The following APAF1 variants were observed in gnomAD, a reference collection of about 807,000 sequenced individuals.
APAF1 encodes the protein apoptotic peptidase activating factor 1.
In APAF1, 91 loss-of-function variants were observed where a neutral mutation model predicts 152.4. That is an observed-to-expected ratio of 0.60 (90% confidence interval 0.50 to 0.71). The LOEUF (loss-of-function observed/expected upper bound fraction) is 0.71. Ranked by LOEUF, APAF1 falls within the 30% of genes least tolerant of loss-of-function variation. APAF1 has a pLI of 0.00. For synonymous variants in APAF1, 484 were observed against 494.1 expected, an observed-to-expected ratio of 0.98 and a Z score of 0.27; for missense variants, 1,283 against 1,472.0, an observed-to-expected ratio of 0.87 and a Z score of 2.10.
chr12:98,662,397 T>A, intron 5 of APAF1, 59 bp from the exon 6 acceptor site: 1 of 1,327,508 alleles, frequency 7.5e-7, no homozygotes. Flanking sequence ...GGGATTATCT[T>A]TTTAAAAGGA....
chr12:98,650,415 G>C (rs1351616006), intron 4 of APAF1, among the ~76,000 whole-genome samples: 4 of 152,066 alleles, frequency 2.6e-5, no homozygotes, highest in Non-Finnish European at 5.9e-5. Flanking sequence ...GAACCTAGGA[G>C]GCGGAGGTTG....
chr12:98,693,065 T>TAA (rs112776504), intron 16 of APAF1, among the ~76,000 whole-genome samples: 1 of 144,366 alleles, frequency 6.9e-6, no homozygotes, highest in Non-Finnish European at 1.5e-5. Context: ...ATTTTTTGAC[T>TAA]AAAAAAAAAA....
intron 4 of APAF1, among the ~76,000 whole-genome samples, chr12:98,652,663 G>A (rs2097650409): frequency 6.6e-6 from 1 of 151,146 alleles, no homozygotes; most frequent in Admixed American, 6.6e-5. Context: ...TTTCGCTCTT[G>A]TTGCCCAGGC....
At chr12:98,665,921 G>T in intron 8 of APAF1, 130 bp downstream of exon 8, 2 of 845,058 alleles carry the variant, frequency 2.4e-6, no homozygotes, top group South Asian at 2.9e-5. Context: ...GGTGTTGGGT[G>T]TAGAAATCCC....
At chr12:98,657,254 A>C (rs756886354) in intron 4 of APAF1, among the ~76,000 whole-genome samples, 2 of 152,170 alleles carry the variant, frequency 1.3e-5, no homozygotes, top group South Asian at 2.1e-4. Context: ...TATCCTCTCT[A>C]TTCATACTAT....
rs199783677 is a variant in APAF1, at chr12:98,662,550, G to A, written c.805G>A (p.Val269Ile). ...QILLTTRDKSVTDSVMGPKYV... is the reference protein window; with the variant it reads ...QILLTTRDKSITDSVMGPKYV... Reference sequence around the variant, plus strand: ...TCTTCTTACAACCAGAGACAAGAGTGTTACAGATTCAGTAATGGGTAAGGA... The same window carrying A: ...TCTTCTTACAACCAGAGACAAGAGTATTACAGATTCAGTAATGGGTAAGGA... Residue 269 changes from valine to isoleucine, a missense_variant, in exon 6 of 27, where the codon GTT becomes ATT. Transcript: ENST00000551964. 6.2e-6 allele frequency: 10 copies of A among 1,613,084 alleles called. No homozygotes were observed. In the East Asian group the frequency reaches 1.1e-4, roughly 18 times the overall value.
intron 4 of APAF1, among the ~76,000 whole-genome samples, chr12:98,653,580 A>G (rs988218528): frequency 6.9e-6 from 1 of 144,222 alleles, no homozygotes; most frequent in African/African-American, 2.6e-5. Context: ...TCGCTTGAAC[A>G]TGGGAGGCAG....
chr12:98,731,455 A>T (rs2097761408), intron 26 of APAF1, among the ~76,000 whole-genome samples: 1 of 152,222 alleles, frequency 6.6e-6, no homozygotes, highest in Admixed American at 6.5e-5. Context: ...GCTTGATTAC[A>T]CTGTTATTTT....
chr12:98,662,567 G>C lies in APAF1; in HGVS notation c.822G>C (p.Met274Ile). The C allele has an allele frequency of 6.2e-7, 1 of 1,610,374 alleles. No individual in the cohort carries two copies. The highest frequency in any genetic ancestry group is 8.5e-7 in the Non-Finnish European group (1 of 1,176,928). ...ACAAGAGTGTTACAGATTCAGTAAT[G>C]GGTAAGGATTATTCGTTTACTTTTT... ...TRDKSVTDSV[M>I]GPKYVVPVES... The change falls in exon 6 of 27, where the codon ATG becomes ATC. Residue 274 changes from methionine (M) to isoleucine (I), a missense_variant and splice_region_variant. Physicochemically the swap from Met to Ile is conservative, Grantham distance 10. Transcript: ENST00000551964.
Position 98,732,457 on chromosome 12 carries a change from T to G in APAF1, c.3638T>G (p.Phe1213Cys). The G allele has an allele frequency of 6.2e-7, 1 of 1,612,868 alleles. No individual in the cohort carries two copies. Among genetic ancestry groups the G allele is most frequent in the Non-Finnish European group, 8.5e-7 (1 of 1,178,826 alleles). ...GTCACTGGGGAATCCTCACAGACCT[T>G]CTACACAAATGGAACCAATCTTAAG... ...NVVTGESSQTFYTNGTNLKKI... is the reference protein window; with the variant it reads ...NVVTGESSQTCYTNGTNLKKI... Residue 1213 changes from phenylalanine (F) to cysteine (C), a missense_variant, in exon 27 of 27, where the codon TTC (phenylalanine) becomes TGC (cysteine). Coordinates refer to ENST00000551964, the MANE Select transcript of APAF1 (RefSeq NM_181861.2).
chr12:98,709,669 T>C (rs944575176), intron 20 of APAF1, among the ~76,000 whole-genome samples: 7 of 151,918 alleles, frequency 4.6e-5, no homozygotes, highest in Non-Finnish European at 7.4e-5. Context: ...GTATGGACCA[T>C]TGAAGGAAGT....
rs536991775 is a variant in APAF1, at chr12:98,648,712, A to G, written c.225A>G (p.Leu75=). The change falls in exon 3 of 27, where the codon CTA becomes CTG. Residue 75 remains leucine (L), a synonymous_variant. Transcript: ENST00000551964. ...CCTACGTATCATTCTACAATGCTCT[A>G]CTACATGAAGGATATAAAGATCTTG... ...NDSYVSFYNA[L]LHEGYKDLAA... 12 of 1,613,578 alleles carry G rather than the reference A, an allele frequency of 7.4e-6. No individual in the cohort carries two copies. Among genetic ancestry groups the G allele is most frequent in the East Asian group, 6.7e-5 (3 of 44,854 alleles).
chr12:98,665,476 T>TGTAA, intron 7 of APAF1, 77 bp from the exon 8 acceptor site: 1 of 978,210 alleles, frequency 1.0e-6, no homozygotes. Flanking sequence ...TTCTTAGTAA[T>TGTAA]GTAAGTAAGT....
chr12:98,693,364 G>A (rs1462203112), intron 16 of APAF1, among the ~76,000 whole-genome samples: 1 of 152,046 alleles, frequency 6.6e-6, no homozygotes, highest in Non-Finnish European at 1.5e-5. Context: ...AAAGTGCTGG[G>A]CTTACAAGCA....
intron 25 of APAF1, 130 bp downstream of exon 25, chr12:98,725,670 T>C: frequency 7.9e-7 from 1 of 1,269,200 alleles, no homozygotes; most frequent in Non-Finnish European, 1.1e-6. Context: ...GGCATTCTTT[T>C]TGTTTCTTGT....
intron 16 of APAF1, among the ~76,000 whole-genome samples, chr12:98,690,069 A>C (rs2097702590): frequency 1.3e-5 from 2 of 152,222 alleles, no homozygotes; most frequent in South Asian, 4.1e-4. Context: ...AAAATACTTA[A>C]ATACTCCTGG....
intron 7 of APAF1, among the ~76,000 whole-genome samples, chr12:98,664,699 A>G (rs2097669921): frequency 6.6e-6 from 1 of 151,516 alleles, no homozygotes; most frequent in South Asian, 2.1e-4. Context: ...ACACCTGGGT[A>G]ATTTTTAAAT....
chr12:98,714,867 T>C (rs2097732223), intron 21 of APAF1, among the ~76,000 whole-genome samples: 1 of 150,846 alleles, frequency 6.6e-6, no homozygotes, highest in East Asian at 1.9e-4. Context: ...GACATAGTCA[T>C]TATCTTTTGA....
chr12:98,684,913 A>G (rs1311613542), intron 15 of APAF1, among the ~76,000 whole-genome samples: 1 of 152,184 alleles, frequency 6.6e-6, no homozygotes. Flanking sequence ...TATACTACCT[A>G]TATTACCATA....
Sources: gnomAD v4.1 joint callset for allele counts (sites outside exome capture counted in the v4.1 genomes callset) on GRCh38, gnomAD v4.1.1 for gene constraint, MANE v1.5 for transcripts, NCBI Gene and HGNC (gene_info 2026-07-23, HGNC 2026-07-21) for gene names.